The following MKLN1 variants were observed in gnomAD, a reference collection of about 807,000 sequenced individuals.
The protein encoded by MKLN1 is muskelin 1.
A neutral mutation model predicts 99.0 loss-of-function variants in MKLN1; 18 were observed. The ratio of observed to expected loss-of-function variants is 0.18; its 90% CI spans 0.13 to 0.27. The LOEUF (loss-of-function observed/expected upper bound fraction) is 0.27. Among genes scored for constraint, MKLN1 ranks in the 10% least tolerant of loss-of-function variants. The pLI, the probability that MKLN1 is intolerant of heterozygous loss-of-function variation, is 1.00. For missense variants in MKLN1, 621 were observed against 875.9 expected, an observed-to-expected ratio of 0.71 and a Z score of 3.67; for synonymous variants, 288 against 293.2, an observed-to-expected ratio of 0.98 and a Z score of 0.18.
chr7:131,221,532 G>T (rs763873803), intron 3 of MKLN1, among the ~76,000 whole-genome samples: 8 of 135,686 alleles, frequency 5.9e-5, no homozygotes, highest in Non-Finnish European at 1.2e-4. Flanking sequence ...TTTAAAGACC[G>T]AAGTCTGGCT....
chr7:131,302,591 C>A (rs1300750149), intron 3 of MKLN1, among the ~76,000 whole-genome samples: 2 of 152,196 alleles, frequency 1.3e-5, no homozygotes, highest in East Asian at 3.8e-4. Flanking sequence ...AAGCAACCCC[C>A]AGCAGTTGAC....
chr7:131,258,004 C>G lies in MKLN1; in HGVS notation c.-179+55030C>G, dbSNP rs187152515. Among the ~76,000 whole-genome samples, 773 of 151,766 alleles carry G rather than the reference C, an allele frequency of 5.1e-3. 10 individuals are homozygous for G. The highest frequency in any genetic ancestry group is 0.018 in the African/African-American group (735 of 41,350). ...GGCGTGGTGGAGTGTTCCTGTCGTC[C>G]CAGCTACTTGGGAGGCTGAGGCAGC... On this transcript the variant is annotated intron_variant, in intron 3 of 7. Transcript: ENST00000416992.
At chr7:131,363,794 C>T (rs1396633072) in intron 1 of MKLN1, among the ~76,000 whole-genome samples, 1 of 150,574 alleles carries the variant, frequency 6.6e-6, no homozygotes, top group Non-Finnish European at 1.5e-5. Context: ...GTCACCACCC[C>T]GTTTATTTCT....
intron 15 of MKLN1, among the ~76,000 whole-genome samples, chr7:131,467,154 C>A (rs1796688425): frequency 6.6e-6 from 1 of 152,156 alleles, no homozygotes; most frequent in Non-Finnish European, 1.5e-5. Flanking sequence ...GATTTCAAGA[C>A]CAGACTGTCA....
chr7:131,244,715 A>T (rs894349910), intron 3 of MKLN1, among the ~76,000 whole-genome samples: 3 of 152,166 alleles, frequency 2.0e-5, no homozygotes, highest in Non-Finnish European at 2.9e-5. Flanking sequence ...CAGTTGCCTC[A>T]AAAGGACTTT....
At position 131,438,014 on chromosome 7, in the gene MKLN1, A is replaced by G; in HGVS notation, c.1173+17A>G. 6.3e-7 allele frequency: 1 copy of G among 1,575,136 alleles called. No individual in the cohort carries two copies. The highest frequency in any genetic ancestry group is 8.7e-7 in the Non-Finnish European group (1 of 1,144,618). ...GATCATCAGGTTTGATGCACAGTTA[A>G]ATATATGATGGAATTAATCAGTGCT... On this transcript the variant is annotated intron_variant, in intron 10 of 17. Coordinates refer to ENST00000352689, the MANE Select transcript of MKLN1 (RefSeq NM_013255.5).
chr7:131,303,002 G>A (rs1798398199), intron 3 of MKLN1, among the ~76,000 whole-genome samples: 1 of 152,112 alleles, frequency 6.6e-6, no homozygotes. Flanking sequence ...ATGTGTTTCA[G>A]CTACTGTTTC....
Position 131,271,595 on chromosome 7 carries a change from C to T in MKLN1, c.-179+68621C>T, listed in dbSNP as rs370787008. ...TCATGCCACTGCATTCCAGCCTGGG[C>T]GACAGAGTGAGACTCCGTCTCCTAA... On this transcript the variant is annotated intron_variant, in intron 3 of 7. Coordinates refer to the MKLN1 transcript ENST00000416992. Among the ~76,000 whole-genome samples the T allele has an allele frequency of 2.6e-4, 37 of 142,734 alleles. No individual in the cohort carries two copies. In the South Asian group the frequency reaches 5.2e-3, roughly 20 times the overall value. 93.6% of individuals were successfully genotyped at this position (142,734 alleles called of 152,430 possible).
chr7:131,180,986 T>C (rs1013209635), intron 2 of MKLN1, among the ~76,000 whole-genome samples: 2 of 152,206 alleles, frequency 1.3e-5, no homozygotes, highest in African/African-American at 2.4e-5. Context: ...TCTCTCTCAA[T>C]ATCAAGAGTA....
intron 1 of MKLN1, among the ~76,000 whole-genome samples, chr7:131,333,451 C>CA (rs1172528015): frequency 6.6e-6 from 1 of 152,102 alleles, no homozygotes; most frequent in Non-Finnish European, 1.5e-5. Flanking sequence ...TGTTATTAGA[C>CA]ATTTAGGCTT....
chr7:131,163,535 G>C (rs1796084127), intron 2 of MKLN1, among the ~76,000 whole-genome samples: 1 of 152,104 alleles, frequency 6.6e-6, no homozygotes, highest in Non-Finnish European at 1.5e-5. Context: ...TAAAGTGGAG[G>C]GTTTTAATTT....
chr7:131,248,232 A>C (rs956889884), intron 3 of MKLN1, among the ~76,000 whole-genome samples: 1 of 152,170 alleles, frequency 6.6e-6, no homozygotes, highest in Non-Finnish European at 1.5e-5. Flanking sequence ...GAATATAATC[A>C]GCTACTAATA....
chr7:131,201,394 T>A (rs1398650368), intron 2 of MKLN1, among the ~76,000 whole-genome samples: 3 of 152,200 alleles, frequency 2.0e-5, no homozygotes, highest in African/African-American at 7.2e-5. Flanking sequence ...AAGCACCAAC[T>A]TGAATTAGTG....
chr7:131,360,422 G>C (rs1341974314), intron 1 of MKLN1, among the ~76,000 whole-genome samples: 1 of 151,892 alleles, frequency 6.6e-6, no homozygotes, highest in East Asian at 1.9e-4. Context: ...TTGTGATTTT[G>C]TTTTCTCATC....
chr7:131,149,480 A>G (rs577224060), intron 2 of MKLN1, among the ~76,000 whole-genome samples: 10 of 152,354 alleles, frequency 6.6e-5, no homozygotes, highest in African/African-American at 2.4e-4. Context: ...CATTGGATTT[A>G]GCATTTAGCA....
Position 131,332,278 on chromosome 7 carries a change from A to AATATATAAAT in MKLN1, c.98+4284_98+4293dup, listed in dbSNP as rs1181346074. 7.3e-5 allele frequency among the ~76,000 whole-genome samples: 11 copies of AATATATAAAT among 149,764 alleles called. No individual in the cohort carries two copies. The East Asian group carries it at 1.9e-3, about 26-fold the overall frequency. Reference sequence around the variant, plus strand: ...TACCCCATCTCTACAAAAGAAAAAAAATATATAAATATTTATATATTTTTA... The same window carrying AATATATAAAT: ...TACCCCATCTCTACAAAAGAAAAAAAATATATAAATATATATAAATATTTATATATTTTTA... On this transcript the variant is annotated intron_variant, in intron 1 of 17. Transcript: ENST00000352689.
intron 11 of MKLN1, among the ~76,000 whole-genome samples, chr7:131,444,763 AAGT>A (rs60459266): frequency 0.24 from 27,822 of 117,126 alleles, 3,361 homozygotes; most frequent in East Asian, 0.38. Flanking sequence ...GTAGTAGAAG[AAGT>A]AGTAGTAGTA....
At chr7:131,433,403 G>A (rs1795583849) in intron 9 of MKLN1, among the ~76,000 whole-genome samples, 1 of 152,116 alleles carries the variant, frequency 6.6e-6, no homozygotes. Flanking sequence ...CTTGGTTAAG[G>A]AGATGCCCAC....
At position 131,124,615 on chromosome 7, in the gene MKLN1, C is replaced by T. The variant is rs1795425687; in HGVS notation, c.-419+14408C>T. 9.2e-5 allele frequency among the ~76,000 whole-genome samples: 14 copies of T among 152,180 alleles called. 1 individual carries two copies. The highest frequency in any genetic ancestry group is 9.2e-4 in the Admixed American group (14 of 15,274). On this transcript the variant is annotated intron_variant, in intron 1 of 7. Coordinates refer to the MKLN1 transcript ENST00000416992. ...GGCCTCAGACATCTGTAGCTCCCTC[C>T]TATTGTGCCTCCCCACCCCTCTGCC...
Sources: allele counts gnomAD v4.1 joint callset (sites outside exome capture counted in the v4.1 genomes callset), GRCh38; gene constraint gnomAD v4.1.1; transcripts MANE v1.5; gene names NCBI Gene and HGNC (gene_info 2026-07-23, HGNC 2026-07-21).